SLC44A5: variants seen among roughly 807,000 people sequenced by gnomAD.
The protein encoded by SLC44A5 is solute carrier family 44 member 5.
SLC44A5 carries 57 observed loss-of-function variants against 101.8 expected under a neutral mutation model. The ratio of observed to expected loss-of-function variants is 0.56; its 90% CI spans 0.45 to 0.70. The LOEUF (loss-of-function observed/expected upper bound fraction) is 0.70. Among genes scored for constraint, SLC44A5 ranks in the 30% least tolerant of loss-of-function variants. The pLI is 0.00. For missense variants in SLC44A5, 737 were observed against 853.1 expected (o/e 0.86, Z 1.70); for synonymous variants, 281 against 290.9 (o/e 0.97, Z 0.35).
At chr1:75,320,115 G>GA (rs1473416780) in intron 4 of SLC44A5, among the ~76,000 whole-genome samples, 4 of 152,068 alleles carry the variant, frequency 2.6e-5, no homozygotes, top group Non-Finnish European at 5.9e-5. Flanking sequence ...GGGAAGTCAA[G>GA]AATGTAGGAC....
intron 4 of SLC44A5, among the ~76,000 whole-genome samples, chr1:75,320,621 A>T (rs1461850906): frequency 6.6e-6 from 1 of 152,200 alleles, no homozygotes; most frequent in Non-Finnish European, 1.5e-5. Flanking sequence ...AAAGGGTTGA[A>T]TATTAATGGT....
chr1:75,213,666 A>C, intron 22 of SLC44A5, 39 bp downstream of exon 22: 1 of 1,370,164 alleles, frequency 7.3e-7, no homozygotes, highest in Non-Finnish European at 1.0e-6. Context: ...TAGTATTTTT[A>C]TTATAGCAGC....
intron 2 of SLC44A5, among the ~76,000 whole-genome samples, chr1:75,467,558 G>C (rs1356645677): frequency 6.6e-6 from 1 of 152,096 alleles, no homozygotes; most frequent in Non-Finnish European, 1.5e-5. Context: ...TTTCAATAAA[G>C]GTGCCAAGAA....
chr1:75,662,176 A>G, the SLC44A5 span, among the ~76,000 whole-genome samples: 1 of 152,140 alleles, frequency 6.6e-6, no homozygotes, highest in African/African-American at 2.4e-5. Context: ...GTCATAAAAA[A>G]GAATGAAATC....
intron 3 of SLC44A5, among the ~76,000 whole-genome samples, chr1:75,348,444 T>C (rs1421953298): frequency 6.6e-6 from 1 of 152,136 alleles, no homozygotes; most frequent in Admixed American, 6.5e-5. Flanking sequence ...GTTGGAACTT[T>C]AGAGAGCTAT....
intron 1 of SLC44A5, among the ~76,000 whole-genome samples, chr1:75,581,490 G>C (rs1420901163): frequency 6.6e-6 from 1 of 152,188 alleles, no homozygotes; most frequent in African/African-American, 2.4e-5. Context: ...GGTTAAAGCT[G>C]CATTGTCAGC....
chr1:75,688,641 T>G, the SLC44A5 span, among the ~76,000 whole-genome samples: 6 of 152,178 alleles, frequency 3.9e-5, no homozygotes, highest in African/African-American at 1.2e-4. Context: ...TCGGGGGCTG[T>G]GAACACCTGA....
chr1:75,662,663 A>C, the SLC44A5 span, among the ~76,000 whole-genome samples: 1 of 141,650 alleles, frequency 7.1e-6, no homozygotes, highest in Non-Finnish European at 1.5e-5. Context: ...AATTTTAAAA[A>C]TTAGATATAT....
intron 10 of SLC44A5, among the ~76,000 whole-genome samples, chr1:75,238,304 A>G (rs1367348371): frequency 6.7e-6 from 1 of 149,432 alleles, no homozygotes; most frequent in African/African-American, 2.5e-5. Context: ...TATTCTTTCT[A>G]AATGATTCTG....
the SLC44A5 span, among the ~76,000 whole-genome samples, chr1:75,714,840 A>G: frequency 6.6e-6 from 1 of 152,102 alleles, no homozygotes; most frequent in Non-Finnish European, 1.5e-5. Flanking sequence ...CACCCAGCTA[A>G]TTTTTGTATT....
chr1:75,649,887 G>A, the SLC44A5 span, among the ~76,000 whole-genome samples: 1 of 152,250 alleles, frequency 6.6e-6, no homozygotes, highest in Admixed American at 6.5e-5. Flanking sequence ...GAATCTCTCT[G>A]CTTCTTCTGA....
the SLC44A5 span, among the ~76,000 whole-genome samples, chr1:75,653,285 C>T: frequency 6.6e-6 from 1 of 152,194 alleles, no homozygotes; most frequent in Admixed American, 6.5e-5. Flanking sequence ...AGTGTGAGAC[C>T]AGCCTGGCCA....
chr1:75,705,661 A>G, the SLC44A5 span, among the ~76,000 whole-genome samples: 1 of 151,972 alleles, frequency 6.6e-6, no homozygotes. Context: ...TATTTTATTA[A>G]ATAACCAGCT....
At chr1:75,671,286 C>T in the SLC44A5 span, among the ~76,000 whole-genome samples, 2 of 152,154 alleles carry the variant, frequency 1.3e-5, no homozygotes, top group Admixed American at 6.6e-5. Flanking sequence ...CACATAAAAA[C>T]AGTATTCACA....
At chr1:75,361,914 G>C (rs1659513487) in intron 3 of SLC44A5, among the ~76,000 whole-genome samples, 2 of 151,970 alleles carry the variant, frequency 1.3e-5, no homozygotes. Flanking sequence ...AGTTTGTGAA[G>C]AATCAGTATT....
intron 3 of SLC44A5, among the ~76,000 whole-genome samples, chr1:75,391,873 G>A (rs111583184): frequency 0.01 from 1,598 of 152,272 alleles, 9 homozygotes; most frequent in Non-Finnish European, 0.016. Context: ...AAAAAATTAA[G>A]CCAGGCACAG....
At position 75,398,820 on chromosome 1, in the gene SLC44A5, T is replaced by C. The variant is rs71656826; in HGVS notation, c.14-2199A>G. Among the ~76,000 whole-genome samples, 1,183 of 152,290 alleles carry C rather than the reference T, an allele frequency of 7.8e-3. 7 individuals carry two copies. The highest frequency in any genetic ancestry group is 1.0e-2 in the Non-Finnish European group (678 of 68,038). Reference sequence around the variant, plus strand: ...TGTTTAGGAGAACATTCGTATCTTATGTAGGCTGCCTTCTGGTGTCTGCGT... The same window carrying C: ...TGTTTAGGAGAACATTCGTATCTTACGTAGGCTGCCTTCTGGTGTCTGCGT... On this transcript the variant is annotated intron_variant, in intron 2 of 23. Coordinates refer to ENST00000370859, the MANE Select transcript of SLC44A5 (RefSeq NM_001130058.2).
At chr1:75,409,052 G>A (rs1433569083) in intron 2 of SLC44A5, among the ~76,000 whole-genome samples, 1 of 152,120 alleles carries the variant, frequency 6.6e-6, no homozygotes, top group Admixed American at 6.6e-5. Flanking sequence ...CAGCAACATG[G>A]ATGCAGCTGG....
chr1:75,692,552 G>A, the SLC44A5 span, among the ~76,000 whole-genome samples: 102 of 152,218 alleles, frequency 6.7e-4, no homozygotes, highest in African/African-American at 2.4e-3. Context: ...AGCATTAATG[G>A]TTTATTTCAT....
Sources: gnomAD v4.1 joint callset for allele counts (sites outside exome capture counted in the v4.1 genomes callset) on GRCh38, gnomAD v4.1.1 for gene constraint, MANE v1.5 for transcripts, NCBI Gene and HGNC (gene_info 2026-07-23, HGNC 2026-07-21) for gene names.